The following ESRRG variants were observed in gnomAD, a reference collection of about 807,000 sequenced individuals.
The protein encoded by ESRRG is estrogen-related receptor gamma.
In ESRRG, 13 loss-of-function variants were observed where a neutral mutation model predicts 44.0. That is an observed-to-expected ratio of 0.30 (90% CI 0.19 to 0.47). ESRRG has a LOEUF of 0.47. Among genes scored for constraint, ESRRG ranks in the 20% least tolerant of loss-of-function variants. ESRRG has a pLI of 1.00. For missense variants in ESRRG, 395 were observed against 580.6 expected (o/e 0.68, Z 3.29); for synonymous variants, 215 against 214.6 (o/e 1.00, Z -0.02).
intron 1 of ESRRG, among the ~76,000 whole-genome samples, chr1:216,695,963 T>C (rs1346106165): frequency 6.6e-6 from 1 of 152,216 alleles, no homozygotes; most frequent in African/African-American, 2.4e-5. Flanking sequence ...AAAGTGTATT[T>C]ACACCAACCT....
At chr1:216,896,418 T>G (rs2058425268) in intron 2 of ESRRG, among the ~76,000 whole-genome samples, 1 of 152,194 alleles carries the variant, frequency 6.6e-6, no homozygotes, top group South Asian at 2.1e-4. Flanking sequence ...GCTGATTTGA[T>G]AGCTCACGGA....
chr1:216,956,231 A>T (rs555195201), intron 1 of ESRRG, among the ~76,000 whole-genome samples: 11 of 151,084 alleles, frequency 7.3e-5, no homozygotes, highest in African/African-American at 2.4e-4. Context: ...GGCGAGGGAT[A>T]GGGATACAGT....
intron 2 of ESRRG, among the ~76,000 whole-genome samples, chr1:216,662,689 G>C (rs1401928540): frequency 6.6e-6 from 1 of 152,106 alleles, no homozygotes; most frequent in Non-Finnish European, 1.5e-5. Context: ...CTCCACTGTG[G>C]GATATTTGTT....
chr1:216,667,738 A>G (rs1257252779), intron 2 of ESRRG, among the ~76,000 whole-genome samples: 1 of 150,678 alleles, frequency 6.6e-6, no homozygotes, highest in African/African-American at 2.4e-5. Flanking sequence ...AATTATGAAA[A>G]AGCTTATCCC....
intron 3 of ESRRG, among the ~76,000 whole-genome samples, chr1:216,632,660 A>C (rs562398658): frequency 3.3e-5 from 5 of 152,150 alleles, no homozygotes; most frequent in African/African-American, 4.8e-5. Flanking sequence ...TAAAGGTATG[A>C]TTTACCTGTA....
chr1:216,797,283 T>C (rs1307946279), intron 2 of ESRRG, among the ~76,000 whole-genome samples: 1 of 152,212 alleles, frequency 6.6e-6, no homozygotes, highest in Non-Finnish European at 1.5e-5. Flanking sequence ...CCATACTTTA[T>C]TCAGATCTTC....
At chr1:216,734,001 A>C (rs999203492) in intron 2 of ESRRG, among the ~76,000 whole-genome samples, 3 of 151,542 alleles carry the variant, frequency 2.0e-5, no homozygotes, top group African/African-American at 7.3e-5. Flanking sequence ...AAAAAAAAAA[A>C]AAAAAAACTC....
At chr1:216,779,225 TTATAA>T (rs2093752856) in intron 2 of ESRRG, among the ~76,000 whole-genome samples, 1 of 21,158 alleles carries the variant, frequency 4.7e-5, no homozygotes, top group Non-Finnish European at 9.1e-5. Flanking sequence ...ATATTTATAT[TTATAA>T]ATATAAATAT....
At chr1:216,761,695 C>T (rs1052691204) in intron 2 of ESRRG, among the ~76,000 whole-genome samples, 3 of 152,174 alleles carry the variant, frequency 2.0e-5, no homozygotes, top group Admixed American at 2.0e-4. Flanking sequence ...CATTAAAAGG[C>T]TGTGCTTTCT....
At chr1:216,650,002 C>A (rs1220413829) in intron 3 of ESRRG, among the ~76,000 whole-genome samples, 1 of 152,106 alleles carries the variant, frequency 6.6e-6, no homozygotes, top group African/African-American at 2.4e-5. Flanking sequence ...GCCCCAGAAA[C>A]AAAGCATAGT....
intron 1 of ESRRG, among the ~76,000 whole-genome samples, chr1:217,050,273 A>G (rs1408153973): frequency 6.6e-6 from 1 of 152,188 alleles, no homozygotes. Flanking sequence ...CTGAAGTAGT[A>G]AAATGAGACG....
At chr1:216,915,046 G>A (rs890821285) in intron 2 of ESRRG, among the ~76,000 whole-genome samples, 4 of 152,160 alleles carry the variant, frequency 2.6e-5, no homozygotes, top group Non-Finnish European at 1.5e-5. Flanking sequence ...GCCAAAGTAT[G>A]TACACGATTT....
intron 3 of ESRRG, among the ~76,000 whole-genome samples, chr1:216,648,219 G>A (rs554518470): frequency 1.3e-5 from 2 of 152,066 alleles, no homozygotes; most frequent in East Asian, 1.9e-4. Context: ...TTAGATGCAG[G>A]GTACAATGCA....
Position 216,657,415 on chromosome 1 carries a change from G to C in ESRRG, c.473-6326C>G, listed in dbSNP as rs182249352. Among the ~76,000 whole-genome samples the C allele has an allele frequency of 2.0e-5, 3 of 152,266 alleles. No individual in the cohort carries two copies. The East Asian group carries it at 5.8e-4, about 29-fold the overall frequency. The stretch of plus-strand genomic sequence containing the variant: ...GGTGCTTCCTTTAGAACTGCCACCA[G>C]AGCCACTTTACAAGGTATAAACAGG... On this transcript the variant is annotated intron_variant, in intron 2 of 6. Coordinates refer to ENST00000408911, the MANE Select transcript of ESRRG (RefSeq NM_001438.4).
intron 1 of ESRRG, among the ~76,000 whole-genome samples, chr1:216,945,840 G>C (rs1341003007): frequency 1.3e-5 from 2 of 152,138 alleles, no homozygotes; most frequent in Non-Finnish European, 2.9e-5. Context: ...TTTGTACTTA[G>C]GACATTATGA....
chr1:216,517,257 G>C (rs2044615280), intron 6 of ESRRG, among the ~76,000 whole-genome samples: 1 of 152,104 alleles, frequency 6.6e-6, no homozygotes, highest in Non-Finnish European at 1.5e-5. Context: ...CTAATCATCA[G>C]TCACTGCTGT....
At chr1:217,117,783 A>G (rs2092751618) in intron 1 of ESRRG, among the ~76,000 whole-genome samples, 1 of 152,236 alleles carries the variant, frequency 6.6e-6, no homozygotes, top group East Asian at 1.9e-4. Flanking sequence ...TCACTAAATG[A>G]CATCATATCT....
At chr1:216,567,643 T>C (rs1039267838) in intron 4 of ESRRG, among the ~76,000 whole-genome samples, 1 of 152,140 alleles carries the variant, frequency 6.6e-6, no homozygotes, top group Non-Finnish European at 1.5e-5. Flanking sequence ...GAACTAATGA[T>C]CACAGTATGA....
At chr1:216,549,133 C>A (rs1019761381) in intron 5 of ESRRG, among the ~76,000 whole-genome samples, 1 of 152,016 alleles carries the variant, frequency 6.6e-6, no homozygotes, top group Non-Finnish European at 1.5e-5. Context: ...ATATGTTCTT[C>A]ACATGCTATT....
Sources: gnomAD v4.1 joint callset for allele counts (sites outside exome capture counted in the v4.1 genomes callset) on GRCh38, gnomAD v4.1.1 for gene constraint, MANE v1.5 for transcripts, NCBI Gene and HGNC (gene_info 2026-07-23, HGNC 2026-07-21) for gene names.